Variants in STRN observed in about 807,000 individuals in gnomAD.
The protein encoded by STRN is protein phosphatase 2 regulatory subunit B'''alpha.
A neutral mutation model predicts 96.3 loss-of-function variants in STRN; 53 were observed. The ratio of observed to expected loss-of-function variants is 0.55; its 90% CI spans 0.44 to 0.69. The LOEUF (loss-of-function observed/expected upper bound fraction) is 0.69. Ranked by LOEUF, STRN falls within the 30% of genes least tolerant of loss-of-function variation. The pLI is 0.00. For synonymous variants in STRN, 428 were observed against 355.9 expected, an observed-to-expected ratio of 1.20 and a Z score of -2.28; for missense variants, 987 against 963.9, an observed-to-expected ratio of 1.02 and a Z score of -0.32.
chr2:36,880,558 G>GT (rs1669043004), intron 9 of STRN, among the ~76,000 whole-genome samples: 1 of 152,090 alleles, frequency 6.6e-6, no homozygotes, highest in South Asian at 2.1e-4. Context: ...ATACAATACA[G>GT]TAGCAAAAAT....
In STRN at chr2:36,856,247, T is replaced by C. The variant is rs145423773; in HGVS notation, c.1838-895A>G. On this transcript the variant is annotated intron_variant, in intron 14 of 17. Transcript: ENST00000263918. Reference sequence around the variant, plus strand: ...GTAAAATGGTACAACTACAAAATTTTTTTGAAAAATTTTTAGTGACTTCAC... The same window carrying C: ...GTAAAATGGTACAACTACAAAATTTCTTTGAAAAATTTTTAGTGACTTCAC... Among the ~76,000 whole-genome samples the C allele has an allele frequency of 4.1e-4, 62 of 152,322 alleles. 1 individual carries two copies. In the East Asian group the frequency reaches 0.011, roughly 27 times the overall value.
chr2:36,863,020 G>A (rs1351970971), intron 12 of STRN, among the ~76,000 whole-genome samples: 1 of 152,166 alleles, frequency 6.6e-6, no homozygotes, highest in Non-Finnish European at 1.5e-5. Flanking sequence ...ACCGCACCTG[G>A]CCTGCTTTTA....
intron 1 of STRN, among the ~76,000 whole-genome samples, chr2:36,931,264 C>G (rs1022734598): frequency 1.3e-5 from 2 of 152,110 alleles, no homozygotes; most frequent in African/African-American, 4.8e-5. Flanking sequence ...TTTTGGCAGT[C>G]TCCTGATAAA....
intron 1 of STRN, among the ~76,000 whole-genome samples, chr2:36,935,496 G>A (rs1257363996): frequency 1.2e-4 from 19 of 152,086 alleles, no homozygotes. Context: ...TTATTGTCTT[G>A]TTCTCTTTTA....
Position 36,847,316 on chromosome 2 carries a change from G to T in STRN, c.*2140C>A, listed in dbSNP as rs529806262. On this transcript the variant is annotated 3_prime_UTR_variant, in exon 18 of 18. Transcript: ENST00000263918. ...AAGCAGTAACTGAAGATCTTAGAAG[G>T]TAATTAATAACTGGTAGAACAATAG... The T allele has an allele frequency of 3.3e-5, 5 of 152,220 alleles. No individual in the cohort carries two copies. In the South Asian group the frequency reaches 1.0e-3, roughly 32 times the overall value. 9.4% of individuals were successfully genotyped at this position (152,220 alleles called of 1,614,324 possible).
At position 36,843,692 on chromosome 2, in the gene STRN, C is replaced by G. The variant is rs960270343; in HGVS notation, c.*5764G>C. 2.0e-5 allele frequency: 3 copies of G among 152,240 alleles called. No individual in the cohort carries two copies. Among genetic ancestry groups the G allele is most frequent in the East Asian group, 1.9e-4 (1 of 5,176 alleles). 9.4% of individuals were successfully genotyped at this position (152,240 alleles called of 1,614,324 possible). A position where few individuals can be genotyped will look rare whatever the true frequency, so the allele number is the denominator to read the frequency against. ...CTGCACCCCTCTACAACTCCTCCCC[C>G]AAAAGCCCCAAATCAGACTATGTTA... On this transcript the variant is annotated 3_prime_UTR_variant, in exon 18 of 18. Coordinates refer to ENST00000263918, the MANE Select transcript of STRN (RefSeq NM_003162.4).
At chr2:36,910,173 CAA>C (rs146718686) in intron 3 of STRN, among the ~76,000 whole-genome samples, 12 of 112,956 alleles carry the variant, frequency 1.1e-4, no homozygotes, top group Admixed American at 2.9e-4. Context: ...GACTTTGTCT[CAA>C]AAAAAAAAAA....
rs36041377 is a variant in STRN at position 36,853,156 on chromosome 2, C to CAA, written c.1979-2051_1979-2050dup. On this transcript the variant is annotated intron_variant, in intron 15 of 17. Coordinates refer to ENST00000263918, the MANE Select transcript of STRN (RefSeq NM_003162.4). ...TGGGCAACAGAGCGAGACTCTGTCT[C>CAA]AAAAAAAAATAAATATAAAACAAAA... 2.3e-3 allele frequency among the ~76,000 whole-genome samples: 339 copies of CAA among 150,508 alleles called. 9 individuals carry two copies. The East Asian group carries it at 0.027, about 12-fold the overall frequency.
At chr2:36,884,741 T>C (rs79170826) in intron 8 of STRN, among the ~76,000 whole-genome samples, 2,388 of 152,220 alleles carry the variant, frequency 0.016, 60 homozygotes, top group African/African-American at 0.055. Context: ...GATGGTATGA[T>C]TGGAGTACAG....
intron 3 of STRN, among the ~76,000 whole-genome samples, chr2:36,912,800 G>C (rs1400559190): frequency 6.6e-6 from 1 of 152,096 alleles, no homozygotes; most frequent in Non-Finnish European, 1.5e-5. Flanking sequence ...GGTTACCTAA[G>C]AAATAAATCC....
At chr2:36,861,411 C>A (rs1402001394) in intron 12 of STRN, among the ~76,000 whole-genome samples, 158 bp from the exon 13 acceptor site, 1 of 152,170 alleles carries the variant, frequency 6.6e-6, no homozygotes, top group Non-Finnish European at 1.5e-5. Context: ...GTTCATTTTT[C>A]TTCCTCTGGT....
chr2:36,896,153 T>A (rs2017018), intron 6 of STRN, among the ~76,000 whole-genome samples: 13,143 of 152,118 alleles, frequency 0.086, 1,240 homozygotes, highest in East Asian at 0.51. Context: ...GCAGGCAAAA[T>A]CCATAAGAAG....
At chr2:36,871,297 C>T (rs1027253481) in intron 10 of STRN, among the ~76,000 whole-genome samples, 1 of 152,200 alleles carries the variant, frequency 6.6e-6, no homozygotes, top group African/African-American at 2.4e-5. Context: ...TTCAGTCCTG[C>T]AAGCTCCATT....
intron 1 of STRN, among the ~76,000 whole-genome samples, chr2:36,936,228 C>T (rs1670696954): frequency 6.6e-6 from 1 of 152,090 alleles, no homozygotes; most frequent in Non-Finnish European, 1.5e-5. Flanking sequence ...TCTGAGACAC[C>T]ATTCCTGGAC....
At chr2:36,896,048 C>T (rs2148191400) in intron 6 of STRN, among the ~76,000 whole-genome samples, 1 of 152,300 alleles carries the variant, frequency 6.6e-6, no homozygotes, top group East Asian at 1.9e-4. Flanking sequence ...CTTAATCCCT[C>T]CATCTTCTAG....
chr2:36,884,438 T>C (rs1001554215), intron 8 of STRN, among the ~76,000 whole-genome samples: 1 of 152,212 alleles, frequency 6.6e-6, no homozygotes, highest in Non-Finnish European at 1.5e-5. Context: ...TCCCTGTTTG[T>C]TTAAATTAAG....
intron 1 of STRN, among the ~76,000 whole-genome samples, chr2:36,960,370 T>C (rs940198050): frequency 6.6e-6 from 1 of 152,168 alleles, no homozygotes; most frequent in Admixed American, 6.5e-5. Flanking sequence ...AAATATCTCT[T>C]AGTGCCTGGG....
intron 9 of STRN, among the ~76,000 whole-genome samples, chr2:36,882,138 G>C (rs1019311): frequency 6.6e-6 from 1 of 152,038 alleles, no homozygotes; most frequent in Non-Finnish European, 1.5e-5. Context: ...TGAAAATCTA[G>C]ATACATCTAA....
intron 14 of STRN, among the ~76,000 whole-genome samples, chr2:36,857,087 C>CTT (rs149907998): frequency 0.023 from 3,301 of 143,084 alleles, 51 homozygotes; most frequent in African/African-American, 0.048. Flanking sequence ...CAAATATAGT[C>CTT]TTTTTTTTTT....
Sources: allele counts gnomAD v4.1 joint callset (sites outside exome capture counted in the v4.1 genomes callset), GRCh38; gene constraint gnomAD v4.1.1; transcripts MANE v1.5; gene names NCBI Gene and HGNC (gene_info 2026-07-23, HGNC 2026-07-21).